Variants in RPGRIP1 observed in about 807,000 individuals in gnomAD.
RPGRIP1 encodes the protein X-linked retinitis pigmentosa GTPase regulator-interacting protein 1.
Under a neutral mutation model 157.9 loss-of-function variants are expected in RPGRIP1, and 128 were observed. That is an observed-to-expected ratio of 0.81 (90% CI 0.70 to 0.94). The LOEUF is 0.94. Among genes scored for constraint, RPGRIP1 ranks in the 40% least tolerant of loss-of-function variants. RPGRIP1 has a pLI of 0.00. For synonymous variants in RPGRIP1, 554 were observed against 571.6 expected, an observed-to-expected ratio of 0.97 and a Z score of 0.44; for missense variants, 1,486 against 1,545.8, an observed-to-expected ratio of 0.96 and a Z score of 0.65.
chr14:21,321,582 C>G, intron 13 of RPGRIP1, 180 bp downstream of exon 13: 1 of 1,300,508 alleles, frequency 7.7e-7, no homozygotes, highest in Non-Finnish European at 1.0e-6. Flanking sequence ...CCCACGGCAC[C>G]TTGGCACTAG....
At chr14:21,280,542 G>T (rs1880090907) in intron 1 of RPGRIP1, among the ~76,000 whole-genome samples, 1 of 152,080 alleles carries the variant, frequency 6.6e-6, no homozygotes, top group African/African-American at 2.4e-5. Context: ...CACCGCGCCT[G>T]GCCTGGTTTA....
chr14:21,295,087 A>C (rs926280334), intron 3 of RPGRIP1, among the ~76,000 whole-genome samples: 1 of 151,390 alleles, frequency 6.6e-6, no homozygotes, highest in Non-Finnish European at 1.5e-5. Context: ...CAGATGATGC[A>C]CCCACCTCGG....
rs1381994107 is a variant in RPGRIP1, at chr14:21,343,287, GTC to G, written c.3532+60_3532+61del. 60 of 1,330,376 alleles carry G rather than the reference GTC, an allele frequency of 4.5e-5. 1 individual carries two copies. The African/African-American group carries it at 7.1e-4, about 16-fold the overall frequency. The allele number at this position is 1,330,376 out of a possible 1,614,324, so 82.4% of individuals were successfully genotyped here. A position where few individuals can be genotyped will look rare whatever the true frequency, so the allele number is the denominator to read the frequency against. ...AGTCTGATGAACATTGAGACTGAGG[GTC>G]AGAATTACTCTGGATTTTTGTGGGG... On this transcript the variant is annotated intron_variant, in intron 22 of 24. Transcript: ENST00000400017.
chr14:21,329,855 C>T (rs998447185), intron 19 of RPGRIP1, among the ~76,000 whole-genome samples: 2 of 151,212 alleles, frequency 1.3e-5, no homozygotes, highest in Non-Finnish European at 2.9e-5. Flanking sequence ...TGGTGACTCA[C>T]GCCTATAATC....
At position 21,330,366 on chromosome 14, in the gene RPGRIP1, G is replaced by A; in HGVS notation, c.3217G>A (p.Glu1073Lys). 1 of 1,554,682 alleles carries A rather than the reference G, an allele frequency of 6.4e-7. No homozygotes were observed. The highest frequency in any genetic ancestry group is 8.6e-7 in the Non-Finnish European group (1 of 1,157,334). Residue 1073 changes from glutamate to lysine, a missense_variant, in exon 20 of 25, where the codon GAA becomes AAA. By Grantham distance (56) the Glu-to-Lys change is moderately conservative. Transcript: ENST00000400017. ...ATCCCATTCAGCACTGAAACAGAAG[G>A]AACCTCTACATCCTGTAAATGGTAT... ...TLSHSALKQK[E>K]PLHPVNDKES...
At chr14:21,318,155 C>T (rs763674989) in intron 11 of RPGRIP1, 12 of 517,186 alleles carry the variant, frequency 2.3e-5, no homozygotes, top group East Asian at 2.0e-4. Context: ...TGCTCAGGCT[C>T]GAGTGCAATG....
intron 24 of RPGRIP1, among the ~76,000 whole-genome samples, chr14:21,348,569 T>C (rs1885801631): frequency 6.6e-6 from 1 of 152,198 alleles, no homozygotes; most frequent in African/African-American, 2.4e-5. Flanking sequence ...CAAGTTATTT[T>C]CATTTCAAAT....
Position 21,288,080 on chromosome 14 carries a change from G to T in RPGRIP1, c.85+19G>T, listed in dbSNP as rs1316571262. 2.0e-6 allele frequency: 3 copies of T among 1,497,420 alleles called. No homozygotes were observed. In the Admixed American group the frequency reaches 5.0e-5, roughly 25 times the overall value. 92.8% of individuals were successfully genotyped at this position (1,497,420 alleles called of 1,614,324 possible). On this transcript the variant is annotated intron_variant, in intron 2 of 24. Transcript: ENST00000400017. ...TCAAAAGGTAACTTCTACGCCTGAG[G>T]ATGGACACCTTTTAGAATTAAAAGA...
In RPGRIP1 at chr14:21,338,957, G is replaced by C. The variant is rs549151684; in HGVS notation, c.3340-4079G>C. On this transcript the variant is annotated intron_variant, in intron 21 of 24. Coordinates refer to ENST00000400017, the MANE Select transcript of RPGRIP1 (RefSeq NM_020366.4). The stretch of plus-strand genomic sequence containing the variant: ...AGTTCGAGACAAGCCTGGCCAACAT[G>C]GTGAAACCCTGTCTACAAAAATACA... Among the ~76,000 whole-genome samples, 455 of 152,086 alleles carry C rather than the reference G, an allele frequency of 3.0e-3. 4 individuals are homozygous for C. The highest frequency in any genetic ancestry group is 0.01 in the African/African-American group (433 of 41,482).
intron 6 of RPGRIP1, among the ~76,000 whole-genome samples, chr14:21,304,437 AAGAAAG>A (rs1881208579): frequency 6.7e-6 from 1 of 149,848 alleles, no homozygotes; most frequent in Non-Finnish European, 1.5e-5. Flanking sequence ...GAAAGAAAGA[AAGAAAG>A]AAATTAACCT....
At position 21,303,905 on chromosome 14, in the gene RPGRIP1, T is replaced by C. The variant is rs534069139; in HGVS notation, c.800+362T>C. Among the ~76,000 whole-genome samples, 6 of 151,860 alleles carry C rather than the reference T, an allele frequency of 4.0e-5. No individual in the cohort carries two copies. The South Asian group carries it at 6.2e-4, about 16-fold the overall frequency. ...AGGGAGGCTGAGGCAGGAGAATCACTTGAACCTGGGAGGCAGAGGTTTCAG... is the reference window on the plus strand; with the variant it reads ...AGGGAGGCTGAGGCAGGAGAATCACCTGAACCTGGGAGGCAGAGGTTTCAG... On this transcript the variant is annotated intron_variant, in intron 6 of 24. Transcript: ENST00000400017.
chr14:21,310,673 G>A, intron 8 of RPGRIP1, 66 bp downstream of exon 8: 2 of 878,992 alleles, frequency 2.3e-6, no homozygotes, highest in Non-Finnish European at 3.6e-6. Context: ...AGAAATCTAT[G>A]TTCATCTCCA....
chr14:21,300,358 TG>T (rs1880971835), intron 3 of RPGRIP1, among the ~76,000 whole-genome samples: 1 of 148,936 alleles, frequency 6.7e-6, no homozygotes, highest in Non-Finnish European at 1.5e-5. Flanking sequence ...ACAGTCACAC[TG>T]GGGGTTAAGG....
intron 8 of RPGRIP1, chr14:21,311,003 G>A: frequency 2.0e-6 from 1 of 489,878 alleles, no homozygotes. Context: ...CTGTGAGTGG[G>A]CTGCATGTGA....
intron 6 of RPGRIP1, 28 bp from the exon 7 acceptor site, chr14:21,307,703 C>T (rs2139168831): frequency 1.5e-6 from 2 of 1,355,902 alleles, no homozygotes; most frequent in Non-Finnish European, 2.1e-6. Context: ...CATGTTCAGA[C>T]AGAATAATTT....
intron 19 of RPGRIP1, among the ~76,000 whole-genome samples, chr14:21,329,366 G>C (rs188986224): frequency 0.012 from 1,784 of 152,072 alleles, 15 homozygotes; most frequent in Middle Eastern, 0.034. Flanking sequence ...ATTGTGGCTA[G>C]CTTGTGTTTC....
Position 21,321,934 on chromosome 14 carries a change from A to G in RPGRIP1, c.1692A>G (p.Leu564=), listed in dbSNP as rs1322527037. ...AAAAGCTGGAGAGGTTGACTCGACT[A>G]CTAGACCTCAAGAATAACCGTATCA... The part of the protein sequence containing the change: ...HKEKLERLTR[L]LDLKNNRIKQ... Residue 564 remains leucine (L), a synonymous_variant, in exon 14 of 25, where the codon CTA becomes CTG. Transcript: ENST00000400017. 10 of 1,613,722 alleles carry G rather than the reference A, an allele frequency of 6.2e-6. No individual in the cohort carries two copies. In the South Asian group the frequency reaches 8.8e-5, roughly 14 times the overall value.
Position 21,334,610 on chromosome 14 carries a change from GA to G in RPGRIP1, c.3246del (p.Glu1082AspfsTer21). 6.2e-7 allele frequency: 1 copy of G among 1,603,728 alleles called. No homozygotes were observed. The highest frequency in any genetic ancestry group is 8.5e-7 in the Non-Finnish European group (1 of 1,175,152). ...TGCAACCTCTTCTCTAGCAGACAAA[GA>G]ATCCTCTGAACAAGGTTCTGAAGTC... is the stretch of plus-strand genomic sequence containing the variant. The part of the protein sequence containing the change: ...KEPLHPVNDK[E>X]SSEQGSEVSE... On this transcript the variant is annotated frameshift_variant, in exon 21 of 25. Transcript: ENST00000400017. LOFTEE classifies it high-confidence loss of function.
In RPGRIP1 at chr14:21,348,317, T is replaced by C; in HGVS notation, c.3748+15T>C. On this transcript the variant is annotated intron_variant, in intron 24 of 24. Transcript: ENST00000400017. ...AGAGCTAGACAGTGAGTCATTTTTT[T>C]TTCAGTTCTAATTATTTCCAAGGAA... 2 of 1,538,150 alleles carry C rather than the reference T, an allele frequency of 1.3e-6. No individual in the cohort carries two copies. Among genetic ancestry groups the C allele is most frequent in the Non-Finnish European group, 1.7e-6 (2 of 1,146,390 alleles).
Sources: allele counts gnomAD v4.1 joint callset (sites outside exome capture counted in the v4.1 genomes callset), GRCh38; gene constraint gnomAD v4.1.1; transcripts MANE v1.5; gene names NCBI Gene and HGNC (gene_info 2026-07-23, HGNC 2026-07-21).